Variants in FLT1 observed in about 807,000 individuals in gnomAD.
FLT1 encodes fms related receptor tyrosine kinase 1.
Under a neutral mutation model 156.3 loss-of-function variants are expected in FLT1, and 49 were observed. The ratio of observed to expected loss-of-function variants is 0.31; its 90% CI spans 0.25 to 0.40. The LOEUF (loss-of-function observed/expected upper bound fraction) is 0.40. FLT1 is among the 10% of genes least tolerant of loss of function. FLT1 has a pLI of 1.00. For synonymous variants in FLT1, 594 were observed against 583.8 expected (o/e 1.02, Z -0.25); for missense variants, 1,322 against 1,637.2 (o/e 0.81, Z 3.32).
chr13:28,387,471 C>G, intron 13 of FLT1: 1 of 1,059,464 alleles, frequency 9.4e-7, no homozygotes, highest in Non-Finnish European at 1.1e-6. Flanking sequence ...AACAGTGTAG[C>G]TGATCCCTTC....
At chr13:28,340,232 A>G (rs12871118) in intron 16 of FLT1, among the ~76,000 whole-genome samples, 1 of 151,156 alleles carries the variant, frequency 6.6e-6, no homozygotes, top group Non-Finnish European at 1.5e-5. Context: ...AAAAAAAAAG[A>G]TTATTTCAAA....
intron 3 of FLT1, among the ~76,000 whole-genome samples, chr13:28,447,459 T>C (rs1261506275): frequency 1.3e-5 from 2 of 152,000 alleles, no homozygotes. Context: ...AGTGCTGGGA[T>C]TGCAGGCATG....
intron 29 of FLT1, among the ~76,000 whole-genome samples, chr13:28,304,838 T>G (rs1275254874): frequency 6.6e-6 from 1 of 152,216 alleles, no homozygotes; most frequent in Non-Finnish European, 1.5e-5. Context: ...ATTTTCAAGG[T>G]TCATCCATAT....
intron 11 of FLT1, among the ~76,000 whole-genome samples, chr13:28,401,928 G>A (rs1189058669): frequency 3.3e-5 from 5 of 152,104 alleles, no homozygotes; most frequent in Admixed American, 6.5e-5. Flanking sequence ...CTGTGATAAC[G>A]TATTTCCTGT....
At chr13:28,468,534 A>T (rs1487168592) in intron 1 of FLT1, among the ~76,000 whole-genome samples, 1 of 152,198 alleles carries the variant, frequency 6.6e-6, no homozygotes, top group East Asian at 1.9e-4. Context: ...TCCCAGCCTG[A>T]TATAGCTTGG....
rs1241547547 is a variant in FLT1 at position 28,433,917 on chromosome 13, G to C, written c.715C>G (p.Pro239Ala). 1 of 1,614,054 alleles carries C rather than the reference G, an allele frequency of 6.2e-7. No individual in the cohort carries two copies. The highest frequency in any genetic ancestry group is 8.5e-7 in the Non-Finnish European group (1 of 1,179,962). Residue 239 changes from proline to alanine, a missense_variant, in exon 6 of 30, where the codon CCA (proline) becomes GCA (alanine). Pro to Ala is a conservative substitution (Grantham distance 27). Around this residue, in one of 3 missense-constraint regions of FLT1, gnomAD observed 991 missense variants for 1,254.8 expected, o/e 0.79. Coordinates refer to ENST00000282397, the MANE Select transcript of FLT1 (RefSeq NM_002019.4). ...IIDVQISTPRPVKLLRGHTLV... is the reference protein window; with the variant it reads ...IIDVQISTPRAVKLLRGHTLV... The stretch of plus-strand genomic sequence containing the variant: ...GTATGGCCTCTAAGTAATTTGACTG[G>C]GCGTGGTGTGCTTATTTGGACATCT...
intron 3 of FLT1, among the ~76,000 whole-genome samples, chr13:28,450,927 T>A (rs1424515165): frequency 6.6e-6 from 1 of 152,114 alleles, no homozygotes; most frequent in African/African-American, 2.4e-5. Context: ...GACAATTACA[T>A]CTTCAAATAT....
chr13:28,304,048 G>A (rs571641584), intron 29 of FLT1, among the ~76,000 whole-genome samples: 150 of 152,182 alleles, frequency 9.9e-4, no homozygotes, highest in Non-Finnish European at 1.5e-3. Context: ...TTTAATATTC[G>A]TTCAAATTTT....
intron 10 of FLT1, among the ~76,000 whole-genome samples, chr13:28,418,967 C>T (rs1876824508): frequency 6.6e-6 from 1 of 152,102 alleles, no homozygotes; most frequent in Non-Finnish European, 1.5e-5. Context: ...ATCACCATTC[C>T]GTAAAACTGT....
intron 25 of FLT1, among the ~76,000 whole-genome samples, chr13:28,314,985 C>T (rs960643625): frequency 1.3e-5 from 2 of 152,134 alleles, no homozygotes; most frequent in African/African-American, 2.4e-5. Flanking sequence ...GAGTTATTTG[C>T]GACCACAGCC....
At chr13:28,454,874 A>G (rs1244788362) in intron 3 of FLT1, among the ~76,000 whole-genome samples, 6 of 152,182 alleles carry the variant, frequency 3.9e-5, no homozygotes, top group African/African-American at 1.4e-4. Context: ...AGTAGAGTTG[A>G]AATGAAAAAC....
chr13:28,469,141 C>T (rs1475297080), intron 1 of FLT1, among the ~76,000 whole-genome samples: 1 of 152,164 alleles, frequency 6.6e-6, no homozygotes, highest in East Asian at 1.9e-4. Context: ...ATTAGCGTTC[C>T]TTAGGCGGGA....
chr13:28,479,435 C>T (rs937402019), intron 1 of FLT1, among the ~76,000 whole-genome samples: 2 of 152,002 alleles, frequency 1.3e-5, no homozygotes, highest in Non-Finnish European at 2.9e-5. Flanking sequence ...CTGGGTTTTT[C>T]TAATTTCACA....
intron 1 of FLT1, among the ~76,000 whole-genome samples, chr13:28,485,341 T>G (rs900504764): frequency 1.3e-5 from 2 of 152,070 alleles, no homozygotes; most frequent in African/African-American, 4.8e-5. Context: ...TGTCCTCCCT[T>G]GCTGGTGTCA....
chr13:28,388,717 G>A lies in FLT1; in HGVS notation c.1969+1079C>T, dbSNP rs1018990993. ...TATGGGGAAAGTGGACTTTTTTAAAGGGCAAATTTTAAATTTACATTTAGA... is the reference window on the plus strand; with the variant it reads ...TATGGGGAAAGTGGACTTTTTTAAAAGGCAAATTTTAAATTTACATTTAGA... On this transcript the variant is annotated intron_variant, in intron 13 of 29. Transcript: ENST00000282397. The A allele has an allele frequency of 3.5e-5, 37 of 1,057,164 alleles. No homozygotes were observed. The African/African-American group carries it at 5.8e-4, about 16-fold the overall frequency. The allele number at this position is 1,057,164 out of a possible 1,614,324, so 65.5% of individuals were successfully genotyped here. A position where few individuals can be genotyped will look rare whatever the true frequency, so the allele number is the denominator to read the frequency against.
At chr13:28,449,248 G>A (rs1878788029) in intron 3 of FLT1, among the ~76,000 whole-genome samples, 1 of 152,150 alleles carries the variant, frequency 6.6e-6, no homozygotes, top group Non-Finnish European at 1.5e-5. Flanking sequence ...TCTGGCCTGG[G>A]CGACAGAGCA....
At chr13:28,458,982 C>G (rs1879417076) in intron 3 of FLT1, among the ~76,000 whole-genome samples, 1 of 152,224 alleles carries the variant, frequency 6.6e-6, no homozygotes, top group African/African-American at 2.4e-5. Context: ...CTAGAAATAT[C>G]TGTTTCCCCT....
At chr13:28,383,888 G>A (rs6491280) in intron 14 of FLT1, among the ~76,000 whole-genome samples, 152,230 of 152,308 alleles carry the variant, frequency 1, 76,076 homozygotes, top group Non-Finnish European at 1. Flanking sequence ...ATGCAGGAAG[G>A]TATGTGTAGG....
At chr13:28,335,083 G>A (rs778224368) in intron 17 of FLT1, among the ~76,000 whole-genome samples, 6 of 152,118 alleles carry the variant, frequency 3.9e-5, no homozygotes, top group African/African-American at 7.2e-5. Flanking sequence ...CTTTAGGGAG[G>A]GCACTCCCTG....
Sources: allele counts gnomAD v4.1 joint callset (sites outside exome capture counted in the v4.1 genomes callset), GRCh38; gene constraint gnomAD v4.1.1; regional missense constraint gnomAD v4.1.1; transcripts MANE v1.5; gene names NCBI Gene and HGNC (gene_info 2026-07-23, HGNC 2026-07-21).